SPATA22: variants seen among roughly 807,000 people sequenced by gnomAD.
The protein encoded by SPATA22 is spermatogenesis associated 22.
In SPATA22, 29 loss-of-function variants were observed where a neutral mutation model predicts 47.8. That is an observed-to-expected ratio of 0.61 (90% CI 0.45 to 0.83). The LOEUF (loss-of-function observed/expected upper bound fraction) is 0.83, where lower values mean the gene tolerates loss of function less well. SPATA22 is among the 40% of genes least tolerant of loss of function. The pLI is 0.00. For synonymous variants in SPATA22, 133 were observed against 140.9 expected (o/e 0.94, Z 0.40); for missense variants, 410 against 421.7 (o/e 0.97, Z 0.24).
intron 1 of SPATA22, among the ~76,000 whole-genome samples, chr17:3,504,719 G>A (rs753233476): frequency 1.1e-4 from 16 of 151,994 alleles, no homozygotes; most frequent in Non-Finnish European, 1.8e-4. Context: ...CACCACGCCT[G>A]GCTAATTTTG....
At chr17:3,446,250 T>C (rs916425373) in intron 7 of SPATA22, among the ~76,000 whole-genome samples, 2 of 152,126 alleles carry the variant, frequency 1.3e-5, no homozygotes, top group African/African-American at 4.8e-5. Flanking sequence ...AATTAGAATG[T>C]AGGCATTTTA....
rs1597440488 is a variant in SPATA22, at chr17:3,490,419, T to TA, written c.-73-21022_-73-21021insT. Among the ~76,000 whole-genome samples, 3 of 152,344 alleles carry TA rather than the reference T, an allele frequency of 2.0e-5. No homozygotes were observed. Among genetic ancestry groups the TA allele is most frequent in the South Asian group, 2.1e-4 (1 of 4,830 alleles). On this transcript the variant is annotated intron_variant, in intron 1 of 8. Coordinates refer to the SPATA22 transcript ENST00000541913. The surrounding 1 kb of genome is among the most constrained non-coding windows in gnomAD (Gnocchi z 4.6). ...TGCTTAAAATCAAAGAGACATTCTA[T>TA]GTAAACAATTATTCCAACAGACTGA...
At chr17:3,483,991 C>T (rs568439395) in intron 1 of SPATA22, among the ~76,000 whole-genome samples, 3 of 152,274 alleles carry the variant, frequency 2.0e-5, no homozygotes, top group East Asian at 3.9e-4. Context: ...TTACAGCTAC[C>T]TTCCATATCC....
At chr17:3,495,873 A>G (rs1597447086) in intron 1 of SPATA22, among the ~76,000 whole-genome samples, 2 of 152,218 alleles carry the variant, frequency 1.3e-5, no homozygotes, top group South Asian at 2.1e-4. Context: ...AGCCTTAAGC[A>G]GTGTTTTAAA....
intron 5 of SPATA22, among the ~76,000 whole-genome samples, chr17:3,454,456 G>A (rs1015505324): frequency 6.8e-5 from 10 of 147,404 alleles, no homozygotes; most frequent in Non-Finnish European, 1.3e-4. Context: ...CCCATCCCCC[G>A]ACCCCACAAC....
rs532965975 is a variant in SPATA22 at position 3,486,358 on chromosome 17, A to G, written c.-73-16960T>C. Among the ~76,000 whole-genome samples, 6 of 152,354 alleles carry G rather than the reference A, an allele frequency of 3.9e-5. No individual in the cohort carries two copies. In the South Asian group the frequency reaches 1.2e-3, roughly 32 times the overall value. On this transcript the variant is annotated intron_variant, in intron 1 of 8. Coordinates refer to the SPATA22 transcript ENST00000541913. ...CTTGAAAAGATCATCTGGAACAAAA[A>G]TAGTCCGTGTCTTGCTCATGAGACT...
intron 5 of SPATA22, among the ~76,000 whole-genome samples, chr17:3,460,462 G>A (rs182715124): frequency 7.8e-4 from 119 of 151,880 alleles, no homozygotes; most frequent in African/African-American, 2.7e-3. Flanking sequence ...ATCTGAACCC[G>A]TTTGCCAGGT....
intron 8 of SPATA22, among the ~76,000 whole-genome samples, chr17:3,442,304 G>C (rs1191696208): frequency 1.3e-5 from 2 of 151,892 alleles, no homozygotes; most frequent in African/African-American, 4.8e-5. Context: ...TTCGAAGTAG[G>C]AATTTGTCTC....
At chr17:3,481,571 G>A (rs376344680) in intron 1 of SPATA22, 167 of 1,581,994 alleles carry the variant, frequency 1.1e-4, no homozygotes, top group Non-Finnish European at 1.4e-4. Context: ...AGGCACAGAT[G>A]TTGTTCATCT....
rs140044483 is a variant in SPATA22 at position 3,459,484 on chromosome 17, C to T, written c.329+2999G>A. 7.2e-5 allele frequency among the ~76,000 whole-genome samples: 11 copies of T among 152,326 alleles called. No homozygotes were observed. The East Asian group carries it at 2.1e-3, about 29-fold the overall frequency. ...GCAGTGGCAGGATCTCAGCTCACTG[C>T]AACCTCCACCTCCCAGGTTCCAATG... On this transcript the variant is annotated intron_variant, in intron 5 of 8. Transcript: ENST00000572969.
At chr17:3,463,539 T>C (rs1039173613) in intron 3 of SPATA22, among the ~76,000 whole-genome samples, 4 of 152,224 alleles carry the variant, frequency 2.6e-5, no homozygotes, top group African/African-American at 9.6e-5. Flanking sequence ...AAATGGAGCT[T>C]GCAGGACTGA....
At chr17:3,470,631 G>A (rs1486395358) in intron 1 of SPATA22, among the ~76,000 whole-genome samples, 1 of 151,640 alleles carries the variant, frequency 6.6e-6, no homozygotes, top group Non-Finnish European at 1.5e-5. Flanking sequence ...GGCACCTGTG[G>A]TCCCAGCTAC....
At chr17:3,482,914 A>T (rs990008092) in intron 1 of SPATA22, among the ~76,000 whole-genome samples, 9 of 147,976 alleles carry the variant, frequency 6.1e-5, no homozygotes, top group African/African-American at 2.2e-4. Context: ...AGCATTAGGT[A>T]TATCTCCTAA....
In SPATA22 at chr17:3,471,678, G is replaced by A. The variant is rs2073439912; in HGVS notation, c.-74+4C>T. ...GGAGTGGGGGCAGTTTGGTATCAAC[G>A]CACAGTCTTTCCCTTCTAGGCCCTC... is the stretch of plus-strand genomic sequence containing the variant. On this transcript the variant is annotated splice_donor_region_variant and intron_variant, in intron 1 of 8. Transcript: ENST00000572969. 1 of 985,298 alleles carries A rather than the reference G, an allele frequency of 1.0e-6. No individual in the cohort carries two copies. The highest frequency in any genetic ancestry group is 1.2e-6 in the Non-Finnish European group (1 of 829,966). 61.0% of individuals were successfully genotyped at this position (985,298 alleles called of 1,614,324 possible).
intron 1 of SPATA22, chr17:3,498,768 T>G (rs1214123418): frequency 3.0e-6 from 3 of 993,404 alleles, no homozygotes; most frequent in Non-Finnish European, 4.2e-6. Flanking sequence ...TCTCAATGCC[T>G]CGCTCAAGTA....
intron 5 of SPATA22, among the ~76,000 whole-genome samples, chr17:3,455,923 A>G (rs1030798214): frequency 1.3e-4 from 20 of 152,254 alleles, no homozygotes; most frequent in African/African-American, 4.6e-4. Flanking sequence ...CTTCCTACCC[A>G]TGAGCATGGA....
At chr17:3,451,203 C>T (rs886981513) in intron 5 of SPATA22, among the ~76,000 whole-genome samples, 20 of 152,128 alleles carry the variant, frequency 1.3e-4, no homozygotes, top group African/African-American at 4.8e-4. Flanking sequence ...AAAGTTGTTT[C>T]TAAAGACAAA....
chr17:3,510,139 T>C lies in SPATA22; in HGVS notation c.-74+3273A>G, dbSNP rs963137458. ...CCTGTTCACTCTGATGGTAGTTTGTTTTGCTGTGCAGAAGTGGATAGAGCA... is the reference window on the plus strand; with the variant it reads ...CCTGTTCACTCTGATGGTAGTTTGTCTTGCTGTGCAGAAGTGGATAGAGCA... On this transcript the variant is annotated intron_variant, in intron 1 of 8. Transcript: ENST00000541913. Among the ~76,000 whole-genome samples, 6 of 152,194 alleles carry C rather than the reference T, an allele frequency of 3.9e-5. No homozygotes were observed. In the East Asian group the frequency reaches 1.2e-3, roughly 29 times the overall value.
At chr17:3,477,507 G>A (rs1264086870) in intron 1 of SPATA22, among the ~76,000 whole-genome samples, 3 of 152,056 alleles carry the variant, frequency 2.0e-5, no homozygotes, top group African/African-American at 7.2e-5. Flanking sequence ...AGTCTGGAGT[G>A]CAATGGTGCA....
Sources: gnomAD v4.1 joint callset for allele counts (sites outside exome capture counted in the v4.1 genomes callset) on GRCh38, gnomAD v4.1.1 for gene constraint, Gnocchi (gnomAD v3.1) non-coding constraint, MANE v1.5 for transcripts, NCBI Gene and HGNC (gene_info 2026-07-23, HGNC 2026-07-21) for gene names.